ITGAL: variants seen among roughly 807,000 people sequenced by gnomAD.
ITGAL encodes integrin subunit alpha L, also known as integrin alpha-L.
In ITGAL, 68 loss-of-function variants were observed where a neutral mutation model predicts 138.4. The ratio of observed to expected loss-of-function variants is 0.49; its 90% CI spans 0.40 to 0.60. The LOEUF (loss-of-function observed/expected upper bound fraction) is 0.60, where lower values mean the gene tolerates loss of function less well. ITGAL is among the 20% of genes least tolerant of loss of function. The pLI is 0.00. For missense variants in ITGAL, 1,256 were observed against 1,478.6 expected (o/e 0.85, Z 2.47); for synonymous variants, 561 against 584.3 (o/e 0.96, Z 0.57).
rs764342355 is a variant in ITGAL, at chr16:30,489,196, T to C, written c.1080+41T>C. On this transcript the variant is annotated intron_variant, in intron 10 of 30. Coordinates refer to ENST00000356798, the MANE Select transcript of ITGAL (RefSeq NM_002209.3). Reference sequence around the variant, plus strand: ...GAGCAATGGGCTGCAGGGAGTGCAGTTGGCTCTGGGGGGTGGGTCGGTGGG... The same window carrying C: ...GAGCAATGGGCTGCAGGGAGTGCAGCTGGCTCTGGGGGGTGGGTCGGTGGG... The C allele has an allele frequency of 6.0e-5, 97 of 1,613,630 alleles. No individual in the cohort carries two copies. In the Middle Eastern group the frequency reaches 1.2e-3, roughly 19 times the overall value.
intron 17 of ITGAL, among the ~76,000 whole-genome samples, chr16:30,499,729 A>ATTTTTT (rs1252031149): frequency 1.0e-4 from 11 of 105,572 alleles, no homozygotes; most frequent in African/African-American, 5.3e-4. Context: ...ATATATATAT[A>ATTTTTT]TATATTTTTT....
In ITGAL at chr16:30,499,402, G is replaced by A. The variant is rs202158937; in HGVS notation, c.2058G>A (p.Gly686=). ...QLDGHRTRRR[G]LFPGGRHELR... is the part of the protein sequence containing the mutation. ...ATGGCCACCGGACCAGAAGACGGGG[G>A]TTGTTCCCAGGAGGGAGACATGAAC... is the stretch of plus-strand genomic sequence containing the variant. The change falls in exon 17 of 31, where the codon GGG becomes GGA. Residue 686 remains glycine, a synonymous_variant. Transcript: ENST00000356798. The A allele has an allele frequency of 1.2e-6, 2 of 1,614,104 alleles. No individual in the cohort carries two copies. Among genetic ancestry groups the A allele is most frequent in the South Asian group, 2.2e-5 (2 of 91,088 alleles).
intron 21 of ITGAL, among the ~76,000 whole-genome samples, 184 bp from the exon 22 acceptor site, chr16:30,510,177 G>A (rs1451706262): frequency 6.6e-6 from 1 of 152,070 alleles, no homozygotes; most frequent in Non-Finnish European, 1.5e-5. Flanking sequence ...ACCTTACCCA[G>A]CCTTCCAGTG....
intron 26 of ITGAL, among the ~76,000 whole-genome samples, chr16:30,517,363 C>A (rs185852374): frequency 1.1e-4 from 16 of 151,924 alleles, no homozygotes; most frequent in African/African-American, 3.9e-4. Context: ...GAGGCAGAGG[C>A]GGGAGGATCA....
chr16:30,487,164 A>G (rs983452480), intron 9 of ITGAL, among the ~76,000 whole-genome samples: 20 of 150,816 alleles, frequency 1.3e-4, no homozygotes, highest in Middle Eastern at 3.4e-3. Context: ...AAAAAAAAAA[A>G]GAGTTTCTAC....
chr16:30,512,901 A>G (rs368981810), intron 24 of ITGAL, among the ~76,000 whole-genome samples: 1 of 152,090 alleles, frequency 6.6e-6, no homozygotes, highest in African/African-American at 2.4e-5. Context: ...GGGTTTCGCC[A>G]TGTTGGCCAG....
intron 11 of ITGAL, among the ~76,000 whole-genome samples, chr16:30,493,361 G>C (rs1346351837): frequency 6.6e-6 from 1 of 151,408 alleles, no homozygotes; most frequent in Non-Finnish European, 1.5e-5. Context: ...CTCGCTTCAA[G>C]CTCCCCCTCC....
At chr16:30,487,897 T>C (rs1347898533) in intron 9 of ITGAL, among the ~76,000 whole-genome samples, 4 of 151,752 alleles carry the variant, frequency 2.6e-5, no homozygotes, top group Non-Finnish European at 4.4e-5. Flanking sequence ...TTTGTACTTT[T>C]AGTAGAGATA....
intron 24 of ITGAL, among the ~76,000 whole-genome samples, chr16:30,511,360 G>A (rs919413241): frequency 9.9e-5 from 15 of 152,232 alleles, no homozygotes; most frequent in Admixed American, 2.0e-4. Flanking sequence ...ACTGATGGAA[G>A]AAAAAGCTCA....
intron 17 of ITGAL, among the ~76,000 whole-genome samples, chr16:30,502,982 T>C (rs949414861): frequency 6.6e-6 from 1 of 151,876 alleles, no homozygotes; most frequent in African/African-American, 2.4e-5. Flanking sequence ...GCCTGGCTAA[T>C]TTTTGTATTT....
intron 15 of ITGAL, among the ~76,000 whole-genome samples, chr16:30,498,402 A>G (rs7193693): frequency 0.18 from 26,949 of 152,122 alleles, 2,921 homozygotes; most frequent in South Asian, 0.6. Context: ...ACTGCACTCC[A>G]GCCTGAGCAA....
At position 30,510,888 on chromosome 16, in the gene ITGAL, T is replaced by C. The variant is rs1372569637; in HGVS notation, c.2627T>C (p.Leu876Pro). ...CCTCTCCTTTCCTGCCAGGTTGCTC[T>C]GCAGATGATGTTTAATACACTGGTA... Reference protein sequence around the residue: ...PIFKAGHSVALQMMFNTLVNS... With the variant: ...PIFKAGHSVAPQMMFNTLVNS... Residue 876 changes from leucine (L) to proline (P), a missense_variant, in exon 23 of 31, where the codon CTG (leucine) becomes CCG (proline). Physicochemically the swap from Leu to Pro is moderately conservative, Grantham distance 98. Coordinates refer to ENST00000356798, the MANE Select transcript of ITGAL (RefSeq NM_002209.3). 1.2e-6 allele frequency: 2 copies of C among 1,614,014 alleles called. No individual in the cohort carries two copies. Among genetic ancestry groups the C allele is most frequent in the East Asian group, 4.5e-5 (2 of 44,868 alleles).
At chr16:30,504,592 T>C (rs1387738186) in intron 18 of ITGAL, among the ~76,000 whole-genome samples, 1 of 151,886 alleles carries the variant, frequency 6.6e-6, no homozygotes, top group East Asian at 1.9e-4. Context: ...TCCCAGCTAC[T>C]TGGGAGGCTG....
intron 21 of ITGAL, chr16:30,509,535 C>T (rs17790434): frequency 0.18 from 27,540 of 152,008 alleles, 2,737 homozygotes; most frequent in Non-Finnish European, 0.23. Context: ...TGTTTGAGCA[C>T]TTCCAGTTTT....
chr16:30,520,133 A>G (rs1429701406), intron 30 of ITGAL, among the ~76,000 whole-genome samples, 166 bp downstream of exon 30: 1 of 152,160 alleles, frequency 6.6e-6, no homozygotes, highest in Non-Finnish European at 1.5e-5. Flanking sequence ...AAGGCTACTG[A>G]GGTCCAAAGA....
chr16:30,492,274 A>G (rs1334558961), intron 11 of ITGAL, among the ~76,000 whole-genome samples: 6 of 143,122 alleles, frequency 4.2e-5, no homozygotes. Context: ...TTTTTTTGAG[A>G]CTGAGTCTCT....
At chr16:30,488,186 C>A (rs1314810833) in intron 9 of ITGAL, among the ~76,000 whole-genome samples, 1 of 147,654 alleles carries the variant, frequency 6.8e-6, no homozygotes, top group African/African-American at 2.5e-5. Context: ...CACAGCAAGA[C>A]CCTGTCTCAA....
At chr16:30,491,267 G>A (rs1313196942) in intron 11 of ITGAL, among the ~76,000 whole-genome samples, 2 of 150,918 alleles carry the variant, frequency 1.3e-5, no homozygotes, top group Non-Finnish European at 1.5e-5. Flanking sequence ...CAGGCATGGT[G>A]GCATGCACCT....
intron 4 of ITGAL, among the ~76,000 whole-genome samples, chr16:30,478,656 C>T (rs1277628549): frequency 6.9e-6 from 1 of 144,972 alleles, no homozygotes; most frequent in Non-Finnish European, 1.5e-5. Context: ...CGAGATCATG[C>T]CATGCAGTCC....
Sources: allele counts gnomAD v4.1 joint callset (sites outside exome capture counted in the v4.1 genomes callset), GRCh38; gene constraint gnomAD v4.1.1; transcripts MANE v1.5; gene names NCBI Gene and HGNC (gene_info 2026-07-23, HGNC 2026-07-21).